The following ZNF664 variants were observed in gnomAD, a reference collection of about 807,000 sequenced individuals.
ZNF664 encodes zinc finger Organ of Corti 1.
A neutral mutation model predicts 18.2 loss-of-function variants in ZNF664; 10 were observed. That is an observed-to-expected ratio of 0.55 (90% confidence interval 0.34 to 0.93). The LOEUF is 0.93. Ranked by LOEUF, ZNF664 falls within the 40% of genes least tolerant of loss-of-function variation. ZNF664 has a pLI of 0.02. For synonymous variants in ZNF664, 119 were observed against 104.2 expected (o/e 1.14, Z -0.86); for missense variants, 193 against 319.0 (o/e 0.61, Z 3.01).
In ZNF664 at chr12:124,013,430, C is replaced by T. The variant is rs1266670129; in HGVS notation, c.*500C>T. 5.7e-6 allele frequency: 1 copy of T among 175,244 alleles called. No homozygotes were observed. Among genetic ancestry groups the T allele is most frequent in the Non-Finnish European group, 1.4e-5 (1 of 72,758 alleles). The allele number at this position is 175,244 out of a possible 1,614,324, so 10.9% of individuals were successfully genotyped here. A position where few individuals can be genotyped will look rare whatever the true frequency, so the allele number is the denominator to read the frequency against. ...TTGATTTAGCCCCTACATATCTTTC[C>T]ATATATCCTATTATTTCTGAATATA... is the stretch of plus-strand genomic sequence containing the variant. On this transcript the variant is annotated 3_prime_UTR_variant, in exon 5 of 5. Coordinates refer to ENST00000337815, the MANE Select transcript of ZNF664 (RefSeq NM_152437.3).
chr12:123,995,071 A>G (rs1020729665), intron 3 of ZNF664, among the ~76,000 whole-genome samples: 1 of 152,288 alleles, frequency 6.6e-6, no homozygotes, highest in Admixed American at 6.5e-5. Context: ...TTGGGATTAC[A>G]AGCCCATTTT....
At chr12:123,993,285 G>A (rs1956909580) in intron 3 of ZNF664, among the ~76,000 whole-genome samples, 1 of 152,178 alleles carries the variant, frequency 6.6e-6, no homozygotes, top group Admixed American at 6.5e-5. Context: ...CTTCAAGAGT[G>A]GGGAATGTGA....
intron 3 of ZNF664, among the ~76,000 whole-genome samples, chr12:123,997,236 A>G (rs1208034448): frequency 6.6e-6 from 1 of 152,198 alleles, no homozygotes; most frequent in Non-Finnish European, 1.5e-5. Context: ...AGAATAAACA[A>G]TGCCCCTTGT....
intron 3 of ZNF664, among the ~76,000 whole-genome samples, chr12:123,988,707 G>C (rs1298980559): frequency 6.6e-6 from 1 of 151,978 alleles, no homozygotes; most frequent in East Asian, 1.9e-4. Flanking sequence ...GTGTCATTGT[G>C]TTCCCAGCAC....
At chr12:123,974,290 G>A (rs908496271) in intron 2 of ZNF664, 1 of 362,436 alleles carries the variant, frequency 2.8e-6, no homozygotes, top group African/African-American at 2.1e-5. Flanking sequence ...GAACTGTTCT[G>A]GTTGCTAGAT....
At chr12:123,983,183 C>T (rs898891545) in intron 2 of ZNF664, among the ~76,000 whole-genome samples, 8 of 152,142 alleles carry the variant, frequency 5.3e-5, no homozygotes, top group African/African-American at 2.4e-5. Context: ...AGTTGTGCTA[C>T]AGCTAATCCA....
At chr12:123,981,354 C>A (rs976872876) in intron 2 of ZNF664, among the ~76,000 whole-genome samples, 9 of 152,022 alleles carry the variant, frequency 5.9e-5, no homozygotes, top group African/African-American at 2.2e-4. Context: ...AGAGGTGGGG[C>A]CTTTCAGAGG....
intron 3 of ZNF664, 153 bp from the exon 4 acceptor site, chr12:124,011,228 T>G (rs999316055): frequency 6.5e-6 from 6 of 926,544 alleles, no homozygotes; most frequent in Non-Finnish European, 7.7e-6. Context: ...CAGCTGGTTT[T>G]CATACTCACA....
chr12:124,011,711 G>A lies in ZNF664; in HGVS notation c.-434G>A, dbSNP rs1288027811. The A allele has an allele frequency of 2.0e-6, 2 of 1,008,376 alleles. No individual in the cohort carries two copies. The highest frequency in any genetic ancestry group is 3.5e-5 in the African/African-American group (2 of 57,552). The allele number at this position is 1,008,376 out of a possible 1,614,324, so 62.5% of individuals were successfully genotyped here. A position where few individuals can be genotyped will look rare whatever the true frequency, so the allele number is the denominator to read the frequency against. ...TGCAGGGGCTCGAGACCAGCCAGCA[G>A]TATCTCATCCTTCGATACAGGGGAT... On this transcript the variant is annotated 5_prime_UTR_variant, in exon 5 of 5. Transcript: ENST00000337815.
At chr12:123,998,512 G>C (rs1956975755) in intron 3 of ZNF664, 1 of 152,550 alleles carries the variant, frequency 6.6e-6, no homozygotes, top group Non-Finnish European at 1.5e-5. Context: ...CTTGGCATCT[G>C]ATGACCTCTG....
At chr12:123,984,110 G>C (rs1272138301) in intron 2 of ZNF664, among the ~76,000 whole-genome samples, 9 of 152,228 alleles carry the variant, frequency 5.9e-5, no homozygotes, top group Non-Finnish European at 1.3e-4. Flanking sequence ...CCAGAGTTGA[G>C]AACCAGTGGG....
chr12:123,994,481 G>T (rs1298196739), intron 3 of ZNF664, among the ~76,000 whole-genome samples: 1 of 152,182 alleles, frequency 6.6e-6, no homozygotes, highest in South Asian at 2.1e-4. Context: ...TTAGTAGGAA[G>T]AGTGGCAATA....
At chr12:124,001,812 A>G (rs1957016079) in intron 3 of ZNF664, among the ~76,000 whole-genome samples, 2 of 152,242 alleles carry the variant, frequency 1.3e-5, no homozygotes, top group African/African-American at 2.4e-5. Flanking sequence ...TGCTGAAGGC[A>G]CAGAAGCTGA....
intron 3 of ZNF664, among the ~76,000 whole-genome samples, chr12:123,996,263 A>G (rs190335323): frequency 6.6e-6 from 1 of 152,336 alleles, no homozygotes; most frequent in Admixed American, 6.5e-5. Context: ...AACTTGCTTG[A>G]GGTCACACTT....
chr12:123,997,773 T>A, intron 3 of ZNF664: 1 of 152,202 alleles, frequency 6.6e-6, no homozygotes, highest in South Asian at 2.1e-4. Context: ...ACTTTTTGCC[T>A]TTCTTCCTTA....
At chr12:123,981,206 G>T (rs1956761481) in intron 2 of ZNF664, among the ~76,000 whole-genome samples, 1 of 152,102 alleles carries the variant, frequency 6.6e-6, no homozygotes, top group Admixed American at 6.5e-5. Flanking sequence ...CTTTGTGATG[G>T]GGGGAAGTCA....
chr12:123,979,124 A>G (rs1956730570), intron 2 of ZNF664, among the ~76,000 whole-genome samples: 1 of 152,250 alleles, frequency 6.6e-6, no homozygotes, highest in Admixed American at 6.5e-5. Context: ...ACCTAAAATC[A>G]TAAATGAAAG....
At chr12:123,994,027 T>TC (rs1294532642) in intron 3 of ZNF664, among the ~76,000 whole-genome samples, 1 of 152,170 alleles carries the variant, frequency 6.6e-6, no homozygotes, top group Non-Finnish European at 1.5e-5. Context: ...TTATAAAGCA[T>TC]CTCTTTGGGA....
intron 3 of ZNF664, among the ~76,000 whole-genome samples, chr12:123,995,182 G>C (rs1197835597): frequency 6.6e-6 from 1 of 152,172 alleles, no homozygotes; most frequent in Non-Finnish European, 1.5e-5. Flanking sequence ...GTTTCATCAC[G>C]GTGTTGTGCA....
Sources: gnomAD v4.1 joint callset for allele counts (sites outside exome capture counted in the v4.1 genomes callset) on GRCh38, gnomAD v4.1.1 for gene constraint, MANE v1.5 for transcripts, NCBI Gene and HGNC (gene_info 2026-07-23, HGNC 2026-07-21) for gene names.